The following ITGA8 variants were observed in gnomAD, a reference collection of about 807,000 sequenced individuals.
ITGA8 encodes the protein integrin alpha-8.
Under a neutral mutation model 142.3 loss-of-function variants are expected in ITGA8, and 91 were observed. That is an observed-to-expected ratio of 0.64 (90% CI 0.54 to 0.76). The LOEUF (loss-of-function observed/expected upper bound fraction) is 0.76, where lower values mean the gene tolerates loss of function less well. ITGA8 is among the 30% of genes least tolerant of loss of function. ITGA8 has a pLI of 0.00. For missense variants in ITGA8, 1,406 were observed against 1,327.7 expected (o/e 1.06, Z -0.92); for synonymous variants, 505 against 485.2 (o/e 1.04, Z -0.54).
intron 2 of ITGA8, among the ~76,000 whole-genome samples, chr10:15,707,961 G>GAC (rs138462340): frequency 0.11 from 16,116 of 144,782 alleles, 1,008 homozygotes; most frequent in East Asian, 0.27. Context: ...TGCACACACC[G>GAC]ACACACACAC....
At position 15,531,238 on chromosome 10, in the gene ITGA8, TG is replaced by T. The variant is rs1384334285; in HGVS notation, c.2881-88del. 5 of 708,454 alleles carry T rather than the reference TG, an allele frequency of 7.1e-6. No individual in the cohort carries two copies. In the South Asian group the frequency reaches 1.5e-4, roughly 21 times the overall value. The allele number at this position is 708,454 out of a possible 1,614,324, so 43.9% of individuals were successfully genotyped here. A position where few individuals can be genotyped will look rare whatever the true frequency, so the allele number is the denominator to read the frequency against. On this transcript the variant is annotated intron_variant, in intron 27 of 29. Coordinates refer to ENST00000378076, the MANE Select transcript of ITGA8 (RefSeq NM_003638.3). ...AGCCACCTAATTATTTTTGGTGTTT[TG>T]CATTTCAAGGCAAAATTTCCTCCTT...
chr10:15,644,450 AT>A lies in ITGA8; in HGVS notation c.1208-230del, dbSNP rs1833933316. The stretch of plus-strand genomic sequence containing the variant: ...GTCAGGCTAATATATATATATATAT[AT>A]ATATATATATATATATATATATATA... On this transcript the variant is annotated intron_variant, in intron 12 of 29. Transcript: ENST00000378076. Among the ~76,000 whole-genome samples, 10 of 2,350 alleles carry A rather than the reference AT, an allele frequency of 4.3e-3. 1 individual carries two copies. Among genetic ancestry groups the A allele is most frequent in the African/African-American group, 5.8e-3 (8 of 1,384 alleles). 1.5% of individuals were successfully genotyped at this position (2,350 alleles called of 152,430 possible). A position where few individuals can be genotyped will look rare whatever the true frequency, so the allele number is the denominator to read the frequency against.
At chr10:15,605,908 G>T in intron 18 of ITGA8, 117 bp from the exon 19 acceptor site, 1 of 851,218 alleles carries the variant, frequency 1.2e-6, no homozygotes, top group South Asian at 1.5e-5. Flanking sequence ...CACTATGCAT[G>T]ACTCTACCCA....
At chr10:15,689,872 G>A (rs957846785) in intron 2 of ITGA8, among the ~76,000 whole-genome samples, 19 of 152,120 alleles carry the variant, frequency 1.2e-4, no homozygotes, top group African/African-American at 4.1e-4. Context: ...CAGAGTGTGG[G>A]CCCAGCAGAA....
In ITGA8 at chr10:15,522,232, C is replaced by T. The variant is rs112755053; in HGVS notation, c.2983-2820G>A. Among the ~76,000 whole-genome samples, 244 of 152,196 alleles carry T rather than the reference C, an allele frequency of 1.6e-3. 2 individuals are homozygous for T. The highest frequency in any genetic ancestry group is 5.7e-3 in the African/African-American group (238 of 41,510). On this transcript the variant is annotated intron_variant, in intron 28 of 29. Coordinates refer to ENST00000378076, the MANE Select transcript of ITGA8 (RefSeq NM_003638.3). Reference sequence around the variant, plus strand: ...TCCACAAATTTGTACAATTATATATCAATAGAAAATAATTATTTGCATGTA... The same window carrying T: ...TCCACAAATTTGTACAATTATATATTAATAGAAAATAATTATTTGCATGTA...
chr10:15,611,152 G>A (rs1833286620), intron 15 of ITGA8, among the ~76,000 whole-genome samples: 2 of 152,036 alleles, frequency 1.3e-5, no homozygotes, highest in Admixed American at 6.5e-5. Context: ...GAAAATCAAC[G>A]GAGACCTTTC....
At chr10:15,650,576 G>A (rs1349698408) in intron 11 of ITGA8, among the ~76,000 whole-genome samples, 1 of 152,068 alleles carries the variant, frequency 6.6e-6, no homozygotes, top group African/African-American at 2.4e-5. Context: ...ATCAGATGCG[G>A]CCCCTTGACC....
At chr10:15,702,339 A>G (rs1835179632) in intron 2 of ITGA8, among the ~76,000 whole-genome samples, 3 of 150,646 alleles carry the variant, frequency 2.0e-5, no homozygotes, top group Admixed American at 1.3e-4. Flanking sequence ...CGCCCAGGCT[A>G]GAGTACAATG....
intron 2 of ITGA8, among the ~76,000 whole-genome samples, chr10:15,717,994 A>G (rs562706367): frequency 2.0e-5 from 3 of 152,272 alleles, no homozygotes; most frequent in Non-Finnish European, 2.9e-5. Context: ...TTTTCTGGAA[A>G]GAGATATTTG....
intron 8 of ITGA8, among the ~76,000 whole-genome samples, chr10:15,665,345 C>T (rs996083187): frequency 6.6e-6 from 1 of 152,070 alleles, no homozygotes; most frequent in African/African-American, 2.4e-5. Flanking sequence ...TATCCTTCGC[C>T]CACTTTTTGA....
intron 2 of ITGA8, among the ~76,000 whole-genome samples, chr10:15,712,007 G>GT (rs1164906152): frequency 2.0e-5 from 3 of 152,042 alleles, no homozygotes; most frequent in African/African-American, 7.2e-5. Flanking sequence ...GATGTATTTG[G>GT]TTTTAAGTAT....
intron 11 of ITGA8, among the ~76,000 whole-genome samples, chr10:15,648,365 TA>T (rs1834025478): frequency 6.6e-6 from 1 of 151,564 alleles, no homozygotes; most frequent in South Asian, 2.1e-4. Context: ...GCAAACCGAT[TA>T]AAATATTATT....
chr10:15,537,770 G>T (rs35673605), intron 27 of ITGA8, among the ~76,000 whole-genome samples: 2 of 152,266 alleles, frequency 1.3e-5, no homozygotes, highest in South Asian at 4.1e-4. Flanking sequence ...TTGTCATTTA[G>T]GTTGTATAGA....
At chr10:15,622,380 C>T (rs1435020589) in intron 13 of ITGA8, among the ~76,000 whole-genome samples, 4 of 151,824 alleles carry the variant, frequency 2.6e-5, no homozygotes, top group Non-Finnish European at 5.9e-5. Context: ...AATTAAAAAA[C>T]ATTTACTATT....
chr10:15,715,473 A>T (rs1390466169), intron 2 of ITGA8, among the ~76,000 whole-genome samples: 3 of 152,214 alleles, frequency 2.0e-5, no homozygotes, highest in Non-Finnish European at 2.9e-5. Flanking sequence ...GGGAACAAGC[A>T]GGCTGCGAAC....
intron 27 of ITGA8, among the ~76,000 whole-genome samples, chr10:15,542,378 T>C (rs575302127): frequency 6.6e-6 from 1 of 152,330 alleles, no homozygotes; most frequent in African/African-American, 2.4e-5. Flanking sequence ...GAAATGAATT[T>C]TAAACTTTAG....
At chr10:15,561,994 A>G (rs1486608093) in intron 25 of ITGA8, among the ~76,000 whole-genome samples, 1 of 152,188 alleles carries the variant, frequency 6.6e-6, no homozygotes. Context: ...AGACACTTAT[A>G]AAAACATCAA....
intron 8 of ITGA8, among the ~76,000 whole-genome samples, chr10:15,669,414 A>G (rs967351363): frequency 1.3e-5 from 2 of 152,036 alleles, no homozygotes; most frequent in African/African-American, 4.8e-5. Context: ...CTAGTTATCC[A>G]TTCATCTAGT....
At chr10:15,571,998 A>G (rs1360866738) in intron 25 of ITGA8, among the ~76,000 whole-genome samples, 1 of 152,256 alleles carries the variant, frequency 6.6e-6, no homozygotes, top group African/African-American at 2.4e-5. Context: ...ACAAGTCACC[A>G]TAAGCAACAA....
Sources: allele counts gnomAD v4.1 joint callset (sites outside exome capture counted in the v4.1 genomes callset), GRCh38; gene constraint gnomAD v4.1.1; transcripts MANE v1.5; gene names NCBI Gene and HGNC (gene_info 2026-07-23, HGNC 2026-07-21).